Variants in SORL1 observed in about 807,000 individuals in gnomAD.
The protein encoded by SORL1 is sortilin-related receptor.
A neutral mutation model predicts 273.7 loss-of-function variants in SORL1; 127 were observed. The ratio of observed to expected loss-of-function variants is 0.46; its 90% CI spans 0.40 to 0.54. SORL1 has a LOEUF of 0.54. SORL1 is among the 20% of genes least tolerant of loss of function. The pLI is 0.00. For missense variants in SORL1, 2,494 were observed against 2,846.1 expected (o/e 0.88, Z 2.81); for synonymous variants, 1,031 against 1,067.4 (o/e 0.97, Z 0.66).
Position 121,588,114 on chromosome 11 carries a change from C to T in SORL1, c.3909C>T (p.Arg1303=), listed in dbSNP as rs769361952. The T allele has an allele frequency of 1.1e-5, 17 of 1,613,694 alleles. No individual in the cohort carries two copies. The Admixed American group carries it at 2.0e-4, about 19-fold the overall frequency. The change falls in exon 28 of 48, where the codon CGC becomes CGT. Residue 1303 remains arginine (R), a synonymous_variant. Coordinates refer to ENST00000260197, the MANE Select transcript of SORL1 (RefSeq NM_003105.6). ...TCTGTGACGGAATCATCCAGTGCCG[C>T]GACGGGTCCGATGAGGATGCGGCGT... ...SMVCDGIIQC[R]DGSDEDAAFA...
rs1862406015 is a variant in SORL1, at chr11:121,545,112, G to T, written c.1865-131G>T. 1.2e-5 allele frequency: 9 copies of T among 738,152 alleles called. No individual in the cohort carries two copies. In the South Asian group the frequency reaches 1.6e-4, roughly 13 times the overall value. The allele number at this position is 738,152 out of a possible 1,614,324, so 45.7% of individuals were successfully genotyped here. ...CCAGCTTCAAAACAAGCTGATTGGAGGGTCTGTGTGCTTGCGGGGTGGCAA... is the reference window on the plus strand; with the variant it reads ...CCAGCTTCAAAACAAGCTGATTGGATGGTCTGTGTGCTTGCGGGGTGGCAA... On this transcript the variant is annotated intron_variant, in intron 13 of 47. Coordinates refer to ENST00000260197, the MANE Select transcript of SORL1 (RefSeq NM_003105.6).
intron 1 of SORL1, among the ~76,000 whole-genome samples, chr11:121,455,256 G>A (rs1167531531): frequency 6.6e-6 from 1 of 152,210 alleles, no homozygotes; most frequent in East Asian, 1.9e-4. Context: ...CTACAATGGT[G>A]TGATAACGGG....
chr11:121,485,862 G>T (rs777234618), intron 3 of SORL1, among the ~76,000 whole-genome samples: 1 of 152,166 alleles, frequency 6.6e-6, no homozygotes, highest in African/African-American at 2.4e-5. Flanking sequence ...ACCTTTTCCA[G>T]TTTGATTTAA....
At chr11:121,517,782 A>C (rs1861977423) in intron 8 of SORL1, among the ~76,000 whole-genome samples, 3 of 152,160 alleles carry the variant, frequency 2.0e-5, no homozygotes, top group African/African-American at 7.2e-5. Context: ...TTGTTCTCAG[A>C]TTTTATCTGA....
chr11:121,465,757 G>C (rs1379030381), intron 1 of SORL1, among the ~76,000 whole-genome samples: 1 of 152,196 alleles, frequency 6.6e-6, no homozygotes, highest in Admixed American at 6.5e-5. Context: ...TCCATCTCCT[G>C]ACCTCGTGAT....
At chr11:121,590,868 G>C in intron 30 of SORL1, 133 bp from the exon 31 acceptor site, 1 of 917,900 alleles carries the variant, frequency 1.1e-6, no homozygotes, top group South Asian at 1.3e-5. Flanking sequence ...GCTGCTCAGA[G>C]CTGTGCCAGT....
intron 8 of SORL1, among the ~76,000 whole-genome samples, chr11:121,517,004 A>G (rs971864380): frequency 6.6e-6 from 1 of 152,128 alleles, no homozygotes; most frequent in Non-Finnish European, 1.5e-5. Flanking sequence ...GTGAGCCAAG[A>G]TCGTGCTACT....
intron 21 of SORL1, 71 bp from the exon 22 acceptor site, chr11:121,566,869 C>T: frequency 7.0e-7 from 1 of 1,426,300 alleles, no homozygotes; most frequent in Non-Finnish European, 9.5e-7. Context: ...TGCAGTGGGT[C>T]TCCTTCTTGT....
chr11:121,502,056 G>A (rs1398505798), intron 6 of SORL1, among the ~76,000 whole-genome samples: 4 of 148,754 alleles, frequency 2.7e-5, no homozygotes, highest in Non-Finnish European at 3.0e-5. Flanking sequence ...GCACGTTTGT[G>A]TGTGAACTTA....
intron 36 of SORL1, 41 bp downstream of exon 36, chr11:121,606,998 T>A (rs767573144): frequency 1.2e-5 from 17 of 1,428,954 alleles, no homozygotes; most frequent in East Asian, 2.3e-5. Flanking sequence ...GTGTTGGGGG[T>A]GCTAGGAGAT....
At position 121,586,836 on chromosome 11, in the gene SORL1, A is replaced by G. The variant is rs1356722248; in HGVS notation, c.3814+507A>G. Among the ~76,000 whole-genome samples, 3 of 151,910 alleles carry G rather than the reference A, an allele frequency of 2.0e-5. No individual in the cohort carries two copies. The East Asian group carries it at 5.8e-4, about 29-fold the overall frequency. ...GAATCACCTGGGGAGCTTTAAAACC[A>G]CCTGGTGCCTGGACCTTACCCCCAG... is the stretch of plus-strand genomic sequence containing the variant. On this transcript the variant is annotated intron_variant, in intron 27 of 47. Coordinates refer to ENST00000260197, the MANE Select transcript of SORL1 (RefSeq NM_003105.6).
chr11:121,618,126 C>T (rs996523266), intron 41 of SORL1, among the ~76,000 whole-genome samples: 9 of 152,192 alleles, frequency 5.9e-5, no homozygotes, highest in African/African-American at 1.7e-4. Context: ...GCTTTTCCTG[C>T]GACACTTCTG....
intron 21 of SORL1, 71 bp downstream of exon 21, chr11:121,559,728 T>G: frequency 1.4e-6 from 2 of 1,460,600 alleles, no homozygotes; most frequent in Non-Finnish European, 1.9e-6. Context: ...GGCCAATCTC[T>G]GCTCAGAGTA....
intron 3 of SORL1, among the ~76,000 whole-genome samples, chr11:121,479,546 A>G (rs548436035): frequency 6.2e-4 from 94 of 152,218 alleles, no homozygotes; most frequent in African/African-American, 2.2e-3. Flanking sequence ...TTGGGCACTG[A>G]CCAATCAGAA....
Position 121,513,007 on chromosome 11 carries a change from T to A in SORL1, c.944T>A (p.Leu315His). Residue 315 changes from leucine (L) to histidine (H), a missense_variant, in exon 7 of 48, where the codon CTC (leucine) becomes CAC (histidine). Leu to His is a moderately conservative substitution (Grantham distance 99, BLOSUM62 -3). Transcript: ENST00000260197. The part of the protein sequence containing the change: ...KYMFATKVVH[L>H]LGSEQQSSVQ... ...TTTTCTCCTCTTCCTTGGCAGCATC[T>A]CTTGGGCAGTGAACAGCAGTCTTCT... is the stretch of plus-strand genomic sequence containing the variant. 6.2e-7 allele frequency: 1 copy of A among 1,613,428 alleles called. No homozygotes were observed. The highest frequency in any genetic ancestry group is 8.5e-7 in the Non-Finnish European group (1 of 1,179,320).
At chr11:121,535,811 T>A (rs548121947) in intron 12 of SORL1, among the ~76,000 whole-genome samples, 2 of 152,316 alleles carry the variant, frequency 1.3e-5, no homozygotes, top group South Asian at 4.1e-4. Context: ...TTGTTATTGT[T>A]AATTGAAATT....
chr11:121,514,461 T>A, intron 8 of SORL1, 140 bp downstream of exon 8: 1 of 786,398 alleles, frequency 1.3e-6, no homozygotes, highest in Non-Finnish European at 2.0e-6. Flanking sequence ...CTGGCTCACG[T>A]GCGCAGAGAT....
At chr11:121,526,704 T>C (rs1416151451) in intron 11 of SORL1, among the ~76,000 whole-genome samples, 1 of 152,164 alleles carries the variant, frequency 6.6e-6, no homozygotes, top group East Asian at 1.9e-4. Flanking sequence ...TAATTTTTTG[T>C]GGTATTACTG....
chr11:121,587,174 T>A (rs1024001263), intron 27 of SORL1, among the ~76,000 whole-genome samples: 4 of 152,198 alleles, frequency 2.6e-5, no homozygotes. Context: ...TAGTTGGGGT[T>A]AGTTGGGGTT....
Sources: gnomAD v4.1 joint callset for allele counts (sites outside exome capture counted in the v4.1 genomes callset) on GRCh38, gnomAD v4.1.1 for gene constraint, MANE v1.5 for transcripts, NCBI Gene and HGNC (gene_info 2026-07-23, HGNC 2026-07-21) for gene names.